CLEC2L: variants seen among roughly 807,000 people sequenced by gnomAD.
The protein encoded by CLEC2L is C-type lectin domain family 2 member L.
CLEC2L carries 14 observed loss-of-function variants against 23.6 expected under a neutral mutation model. The ratio of observed to expected loss-of-function variants is 0.59; its 90% CI spans 0.39 to 0.93. The LOEUF is 0.93. Among genes scored for constraint, CLEC2L ranks in the 40% least tolerant of loss-of-function variants. The probability of loss-of-function intolerance (pLI) is 0.00; values close to 1 mark genes in which losing one functional copy is unlikely to be tolerated. For missense variants in CLEC2L, 264 were observed against 282.4 expected (o/e 0.93, Z 0.47); for synonymous variants, 114 against 121.3 (o/e 0.94, Z 0.40).
At chr7:139,541,118 C>T (rs1375645269) in intron 3 of CLEC2L, among the ~76,000 whole-genome samples, 5 of 152,190 alleles carry the variant, frequency 3.3e-5, no homozygotes, top group East Asian at 3.9e-4. Flanking sequence ...AAATGATTCT[C>T]GTACCTCATC....
rs184091406 is a variant in CLEC2L at position 139,533,030 on chromosome 7, A to G, written c.191-3244A>G. Among the ~76,000 whole-genome samples, 75 of 152,350 alleles carry G rather than the reference A, an allele frequency of 4.9e-4. 1 individual carries two copies. Among genetic ancestry groups the G allele is most frequent in the Middle Eastern group, 3.4e-3 (1 of 294 alleles). On this transcript the variant is annotated intron_variant, in intron 1 of 4. Coordinates refer to ENST00000422142, the MANE Select transcript of CLEC2L (RefSeq NM_001080511.4). ...GAAGACCAGGATTAACAGGGAAACA[A>G]GAAGTTCTATGGAAATGATCATAGC...
chr7:139,542,143 T>C (rs1452290080), intron 4 of CLEC2L, 22 bp downstream of exon 4: 7 of 1,556,060 alleles, frequency 4.5e-6, no homozygotes, highest in Middle Eastern at 3.4e-4. Flanking sequence ...CTTCATCTTC[T>C]GGCTACCGAG....
intron 4 of CLEC2L, among the ~76,000 whole-genome samples, chr7:139,542,715 C>T (rs1458630119): frequency 2.0e-5 from 3 of 152,144 alleles, no homozygotes; most frequent in South Asian, 2.1e-4. Flanking sequence ...TGGCGTGTGC[C>T]GTGGCGGTTT....
At chr7:139,529,071 C>T (rs1797543516) in intron 1 of CLEC2L, among the ~76,000 whole-genome samples, 1 of 152,172 alleles carries the variant, frequency 6.6e-6, no homozygotes, top group Non-Finnish European at 1.5e-5. Flanking sequence ...AGGGCAATGA[C>T]CCAGCCCTCT....
Position 139,540,509 on chromosome 7 carries a change from G to T in CLEC2L, c.432+22G>T. The T allele has an allele frequency of 6.4e-7, 1 of 1,572,822 alleles. No individual in the cohort carries two copies. Among genetic ancestry groups the T allele is most frequent in the Non-Finnish European group, 8.6e-7 (1 of 1,159,724 alleles). The stretch of plus-strand genomic sequence containing the variant: ...GCTGGTGAGTGTGCCAAGGTGAAGG[G>T]GGTTGGGGGAAGGGACCCTCAGGGC... On this transcript the variant is annotated intron_variant, in intron 3 of 4. Transcript: ENST00000422142. This position sits in a 1 kb window ranked among gnomAD's most constrained non-coding sequence, Gnocchi z 5.8.
intron 1 of CLEC2L, among the ~76,000 whole-genome samples, chr7:139,530,107 C>T (rs10282401): frequency 0.036 from 5,426 of 151,460 alleles, 327 homozygotes; most frequent in African/African-American, 0.12. Flanking sequence ...TTGCTTGAAC[C>T]TGGGAGGCGG....
chr7:139,543,808 A>T (rs938124656), intron 4 of CLEC2L, among the ~76,000 whole-genome samples: 1 of 152,132 alleles, frequency 6.6e-6, no homozygotes, highest in African/African-American at 2.4e-5. Flanking sequence ...TGCTCAGGAG[A>T]TGGCTGCTTT....
At chr7:139,534,298 G>A (rs560607330) in intron 1 of CLEC2L, 11 of 1,471,040 alleles carry the variant, frequency 7.5e-6, no homozygotes, top group Non-Finnish European at 8.6e-6. Context: ...CAGAACTTAT[G>A]CTGACTACGA....
intron 1 of CLEC2L, chr7:139,534,203 G>A: frequency 1.3e-6 from 1 of 783,778 alleles, no homozygotes; most frequent in Non-Finnish European, 2.3e-6. Context: ...GGTAGCAGCG[G>A]TGGTGTCGGC....
Position 139,540,171 on chromosome 7 carries a change from C to T in CLEC2L, c.266-150C>T. 1 of 712,172 alleles carries T rather than the reference C, an allele frequency of 1.4e-6. No homozygotes were observed. Among genetic ancestry groups the T allele is most frequent in the South Asian group, 1.9e-5 (1 of 52,188 alleles). 44.1% of individuals were successfully genotyped at this position (712,172 alleles called of 1,614,324 possible). A position where few individuals can be genotyped will look rare whatever the true frequency, so the allele number is the denominator to read the frequency against. On this transcript the variant is annotated intron_variant, in intron 2 of 4. Coordinates refer to ENST00000422142, the MANE Select transcript of CLEC2L (RefSeq NM_001080511.4). The surrounding 1 kb of genome is among the most constrained non-coding windows in gnomAD (Gnocchi z 5.8). ...CCCTTTCTCATTCATTTAGTGGCCACCCTTTTACCTCCAGGCACCAGGAGA... is the reference window on the plus strand; with the variant it reads ...CCCTTTCTCATTCATTTAGTGGCCATCCTTTTACCTCCAGGCACCAGGAGA...
intron 1 of CLEC2L, among the ~76,000 whole-genome samples, chr7:139,529,786 G>A (rs1017209566): frequency 1.5e-4 from 23 of 152,162 alleles, no homozygotes; most frequent in African/African-American, 5.6e-4. Flanking sequence ...CAGTAAAGGG[G>A]CCAGGAGCAG....
intron 1 of CLEC2L, chr7:139,534,280 C>G (rs1297262880): frequency 5.4e-6 from 8 of 1,470,102 alleles, no homozygotes; most frequent in Non-Finnish European, 7.6e-6. Flanking sequence ...TACCAAGAGG[C>G]CAGAAGGCAG....
At position 139,536,363 on chromosome 7, in the gene CLEC2L, CAG is replaced by C. The variant is rs962069772; in HGVS notation, c.265+18_265+19del. ...GAGCATCTTGGGTGAGCATGCGTGT[CAG>C]AGCATTTATGCATTCAGTTTGCACA... On this transcript the variant is annotated intron_variant, in intron 2 of 4. Coordinates refer to ENST00000422142, the MANE Select transcript of CLEC2L (RefSeq NM_001080511.4). The C allele has an allele frequency of 6.5e-7, 1 of 1,549,676 alleles. No individual in the cohort carries two copies. The highest frequency in any genetic ancestry group is 1.4e-5 in the African/African-American group (1 of 72,956).
chr7:139,528,444 A>G (rs1177794343), intron 1 of CLEC2L, among the ~76,000 whole-genome samples: 1 of 152,220 alleles, frequency 6.6e-6, no homozygotes, highest in Non-Finnish European at 1.5e-5. Flanking sequence ...AGGCTTCACA[A>G]TCATGAAGGA....
At position 139,540,572 on chromosome 7, in the gene CLEC2L, G is replaced by T; in HGVS notation, c.432+85G>T. On this transcript the variant is annotated intron_variant, in intron 3 of 4. Coordinates refer to ENST00000422142, the MANE Select transcript of CLEC2L (RefSeq NM_001080511.4). The surrounding 1 kb of genome is among the most constrained non-coding windows in gnomAD (Gnocchi z 5.8). ...CTCTAGGGGACAGCCACACAGTAAA[G>T]GATGCAGTGTTCCCTGTGACACGTC... is the stretch of plus-strand genomic sequence containing the variant. 6.9e-7 allele frequency: 1 copy of T among 1,458,332 alleles called. No homozygotes were observed. The highest frequency in any genetic ancestry group is 9.4e-7 in the Non-Finnish European group (1 of 1,068,748). The allele number at this position is 1,458,332 out of a possible 1,614,324, so 90.3% of individuals were successfully genotyped here. A position where few individuals can be genotyped will look rare whatever the true frequency, so the allele number is the denominator to read the frequency against.
intron 1 of CLEC2L, among the ~76,000 whole-genome samples, chr7:139,526,815 G>C (rs1585196219): frequency 6.6e-6 from 1 of 152,194 alleles, no homozygotes; most frequent in Non-Finnish European, 1.5e-5. Context: ...AGCCCCTGCT[G>C]GGGGAGCCCA....
Position 139,542,753 on chromosome 7 carries a change from G to A in CLEC2L, c.533+632G>A, listed in dbSNP as rs549410730. On this transcript the variant is annotated intron_variant, in intron 4 of 4. Transcript: ENST00000422142. The stretch of plus-strand genomic sequence containing the variant: ...TAAGACTCAAGTGGAGTGGATGTGA[G>A]TGTGTGATGCCAGGTCTGGTGTGTG... Among the ~76,000 whole-genome samples, 5 of 152,336 alleles carry A rather than the reference G, an allele frequency of 3.3e-5. No homozygotes were observed. The East Asian group carries it at 5.8e-4, about 18-fold the overall frequency.
rs1797720381 is a variant in CLEC2L, at chr7:139,540,543, T to A, written c.432+56T>A. 6.5e-7 allele frequency: 1 copy of A among 1,540,454 alleles called. No individual in the cohort carries two copies. The highest frequency in any genetic ancestry group is 8.8e-7 in the Non-Finnish European group (1 of 1,138,350). On this transcript the variant is annotated intron_variant, in intron 3 of 4. Transcript: ENST00000422142. The surrounding 1 kb of genome is among the most constrained non-coding windows in gnomAD (Gnocchi z 5.8). The stretch of plus-strand genomic sequence containing the variant: ...GAAGGGACCCTCAGGGCCCCCAACC[T>A]TGACTCTAGGGGACAGCCACACAGT...
In CLEC2L at chr7:139,539,965, C is replaced by T; in HGVS notation, c.266-356C>T. ...TGGTTAATGACAGCGGGCAGTCTGT[C>T]CTGCTGTTGGTACCTGGCCTAGCTG... On this transcript the variant is annotated intron_variant, in intron 2 of 4. Coordinates refer to ENST00000422142, the MANE Select transcript of CLEC2L (RefSeq NM_001080511.4). The surrounding 1 kb of genome is among the most constrained non-coding windows in gnomAD (Gnocchi z 4.1). 1 of 269,548 alleles carries T rather than the reference C, an allele frequency of 3.7e-6. No individual in the cohort carries two copies. Among genetic ancestry groups the T allele is most frequent in the Non-Finnish European group, 7.2e-6 (1 of 139,726 alleles). 16.7% of individuals were successfully genotyped at this position (269,548 alleles called of 1,614,324 possible).
Sources: gnomAD v4.1 joint callset for allele counts (sites outside exome capture counted in the v4.1 genomes callset) on GRCh38, gnomAD v4.1.1 for gene constraint, Gnocchi (gnomAD v3.1) non-coding constraint, MANE v1.5 for transcripts, NCBI Gene and HGNC (gene_info 2026-07-23, HGNC 2026-07-21) for gene names.